Variants in SEC16B observed in about 807,000 individuals in gnomAD.
The protein encoded by SEC16B is protein transport protein Sec16B.
SEC16B carries 115 observed loss-of-function variants against 141.8 expected under a neutral mutation model. The observed-to-expected ratio is 0.81, with a 90% confidence interval of 0.70 to 0.95. The LOEUF (loss-of-function observed/expected upper bound fraction) is 0.95. Among genes scored for constraint, SEC16B ranks in the 40% least tolerant of loss-of-function variants. The pLI, the probability that SEC16B is intolerant of heterozygous loss-of-function variation, is 0.00. For missense variants in SEC16B, 1,291 were observed against 1,312.3 expected, an observed-to-expected ratio of 0.98 and a Z score of 0.25; for synonymous variants, 493 against 492.5, an observed-to-expected ratio of 1.00 and a Z score of -0.01.
chr1:177,963,150 G>A (rs570620711), intron 5 of SEC16B, among the ~76,000 whole-genome samples: 1 of 151,942 alleles, frequency 6.6e-6, no homozygotes, highest in South Asian at 2.1e-4. Flanking sequence ...TTTGTACAGT[G>A]TAAGGTGCTG....
intron 1 of SEC16B, among the ~76,000 whole-genome samples, chr1:177,982,666 C>T (rs2102034997): frequency 6.6e-6 from 1 of 152,314 alleles, no homozygotes; most frequent in African/African-American, 2.4e-5. Context: ...CACTGCATGG[C>T]CACCAATGGT....
intron 25 of SEC16B, 93 bp downstream of exon 25, chr1:177,930,452 T>C: frequency 2.5e-6 from 2 of 801,300 alleles, no homozygotes; most frequent in East Asian, 2.7e-5. Flanking sequence ...AGAACTCACA[T>C]ATCATAAATG....
rs1048178097 is a variant in SEC16B at position 177,962,729 on chromosome 1, G to C, written c.643-995C>G. On this transcript the variant is annotated intron_variant, in intron 5 of 25. Transcript: ENST00000308284. ...CTGTTACACTCCAGCCTGGGTGACA[G>C]AGCAACACTCTGTCTCTAAATAAAT... Among the ~76,000 whole-genome samples, 12 of 150,610 alleles carry C rather than the reference G, an allele frequency of 8.0e-5. 2 individuals are homozygous for C. Among genetic ancestry groups the C allele is most frequent in the Admixed American group, 7.9e-4 (12 of 15,208 alleles).
At chr1:177,949,122 C>T (rs1651967428) in intron 12 of SEC16B, among the ~76,000 whole-genome samples, 1 of 152,112 alleles carries the variant, frequency 6.6e-6, no homozygotes, top group Non-Finnish European at 1.5e-5. Flanking sequence ...ATGCTTTATT[C>T]AACTCCATTT....
At chr1:177,955,806 C>T (rs1332618636) in intron 10 of SEC16B, among the ~76,000 whole-genome samples, 2 of 152,192 alleles carry the variant, frequency 1.3e-5, no homozygotes, top group Non-Finnish European at 2.9e-5. Context: ...ATCCTTTGAC[C>T]CAACACTTCT....
At position 177,944,554 on chromosome 1, in the gene SEC16B, C is replaced by A. The variant is rs1557973508; in HGVS notation, c.1881+7G>T. ...TGACGGTGGTGGCCTCATCTGGGCT[C>A]AGTTACCTGGAAAGAAGGGATGAAG... On this transcript the variant is annotated splice_region_variant and intron_variant, in intron 15 of 25. Coordinates refer to ENST00000308284, the MANE Select transcript of SEC16B (RefSeq NM_033127.4). 4 of 1,611,174 alleles carry A rather than the reference C, an allele frequency of 2.5e-6. No homozygotes were observed. The Admixed American group carries it at 6.7e-5, about 27-fold the overall frequency.
At position 177,959,432 on chromosome 1, in the gene SEC16B, T is replaced by A. The variant is rs1652891068; in HGVS notation, c.999-457A>T. The A allele has an allele frequency of 2.6e-5, 5 of 189,706 alleles. No individual in the cohort carries two copies. The Admixed American group carries it at 2.7e-4, about 10-fold the overall frequency. The allele number at this position is 189,706 out of a possible 1,614,324, so 11.8% of individuals were successfully genotyped here. A position where few individuals can be genotyped will look rare whatever the true frequency, so the allele number is the denominator to read the frequency against. The stretch of plus-strand genomic sequence containing the variant: ...GGCATATATTAAGTGATCAATATGA[T>A]TGGCATTATGATTTGCTCAAGATTA... On this transcript the variant is annotated intron_variant, in intron 8 of 25. Transcript: ENST00000308284.
Position 177,937,251 on chromosome 1 carries a change from T to A in SEC16B, c.2466A>T (p.Thr822=), listed in dbSNP as rs754540519. ...SVAVTEATGG[T]VWEEMLQTHL... is the part of the protein sequence containing the mutation. Reference sequence around the variant, plus strand: ...GTGTCTGCAGCATTTCCTCCCAGACTGTTCCTCCAGTGGCCTCTGTCACTG... The same window carrying A: ...GTGTCTGCAGCATTTCCTCCCAGACAGTTCCTCCAGTGGCCTCTGTCACTG... The change falls in exon 19 of 26, where the codon ACA becomes ACT. Residue 822 remains threonine (T), a synonymous_variant. Transcript: ENST00000308284. 38 of 1,613,682 alleles carry A rather than the reference T, an allele frequency of 2.4e-5. No individual in the cohort carries two copies. The highest frequency in any genetic ancestry group is 3.1e-5 in the Non-Finnish European group (37 of 1,179,848).
At chr1:177,963,496 G>C (rs1271322691) in intron 5 of SEC16B, among the ~76,000 whole-genome samples, 2 of 152,032 alleles carry the variant, frequency 1.3e-5, no homozygotes, top group Non-Finnish European at 2.9e-5. Flanking sequence ...CCAGCTACTC[G>C]GGAGGCTGAG....
intron 19 of SEC16B, among the ~76,000 whole-genome samples, chr1:177,936,808 T>C (rs1483625646): frequency 6.6e-6 from 1 of 152,100 alleles, no homozygotes; most frequent in Admixed American, 6.5e-5. Context: ...CTGAAGAAAC[T>C]CGGGACCAAG....
intron 20 of SEC16B, among the ~76,000 whole-genome samples, chr1:177,934,950 C>A (rs1009381885): frequency 1.3e-5 from 2 of 152,074 alleles, no homozygotes; most frequent in African/African-American, 4.8e-5. Flanking sequence ...CTGCTGCCCT[C>A]CAGCCTTGTT....
chr1:177,941,907 A>G lies in SEC16B; in HGVS notation c.2015T>C (p.Leu672Pro). The change falls in exon 16 of 26, where the codon CTC becomes CCC. Residue 672 changes from leucine to proline, a missense_variant. By Grantham distance (98) the Leu-to-Pro change is moderately conservative. Coordinates refer to ENST00000308284, the MANE Select transcript of SEC16B (RefSeq NM_033127.4). Reference protein sequence around the residue: ...ESSHPVLLVELIKLAEKLKLS... With the variant: ...ESSHPVLLVEPIKLAEKLKLS... ...ACCCTTTGAGAGGCTCACCTTGATG[A>G]GTTCCACTAATAGCACAGGGTGACT... 1.2e-6 allele frequency: 2 copies of G among 1,613,814 alleles called. No homozygotes were observed. The highest frequency in any genetic ancestry group is 2.2e-5 in the South Asian group (2 of 90,996).
chr1:177,948,259 T>A (rs1651886839), intron 12 of SEC16B: 1 of 1,075,944 alleles, frequency 9.3e-7, no homozygotes, highest in Non-Finnish European at 1.2e-6. Context: ...CCCAGATAGC[T>A]AGAGACAAAA....
At chr1:177,960,610 A>C (rs1045509663) in intron 7 of SEC16B, 181 bp downstream of exon 7, 1 of 712,568 alleles carries the variant, frequency 1.4e-6, no homozygotes, top group African/African-American at 1.8e-5. Flanking sequence ...CAATTCTTTC[A>C]GAGAAGAGCC....
chr1:177,963,894 C>T (rs1484867329), intron 5 of SEC16B, among the ~76,000 whole-genome samples: 2 of 152,186 alleles, frequency 1.3e-5, no homozygotes, highest in African/African-American at 4.8e-5. Context: ...CCTCTCTTTC[C>T]CAGTATGTTG....
chr1:177,932,344 TTTG>T, intron 24 of SEC16B, 143 bp downstream of exon 24: 2 of 576,184 alleles, frequency 3.5e-6, no homozygotes, highest in Non-Finnish European at 5.7e-6. Flanking sequence ...TCTGTGGTAC[TTTG>T]TTATGACAGC....
intron 19 of SEC16B, 47 bp downstream of exon 19, chr1:177,937,167 A>G (rs1650904121): frequency 6.4e-7 from 1 of 1,550,630 alleles, no homozygotes; most frequent in African/African-American, 1.4e-5. Context: ...CTTCCTCCCC[A>G]CCCAGACCCT....
At chr1:177,933,988 CT>C (rs1406267175) in intron 20 of SEC16B, among the ~76,000 whole-genome samples, 192 of 145,870 alleles carry the variant, frequency 1.3e-3, no homozygotes, top group Non-Finnish European at 2.1e-3. Flanking sequence ...GGCCCACAAG[CT>C]CCCCCCAAAA....
At chr1:177,932,432 G>A (rs1650493897) in intron 24 of SEC16B, 58 bp downstream of exon 24, 1 of 1,313,406 alleles carries the variant, frequency 7.6e-7, no homozygotes, top group East Asian at 2.6e-5. Flanking sequence ...TGAAGGTTCA[G>A]TCCTCACACA....
Sources: allele counts gnomAD v4.1 joint callset (sites outside exome capture counted in the v4.1 genomes callset), GRCh38; gene constraint gnomAD v4.1.1; transcripts MANE v1.5; gene names NCBI Gene and HGNC (gene_info 2026-07-23, HGNC 2026-07-21).